The following C2CD5 variants were observed in gnomAD, a reference collection of about 807,000 sequenced individuals.
C2CD5 encodes C2 domain-containing protein 5.
C2CD5 carries 109 observed loss-of-function variants against 130.3 expected under a neutral mutation model. The ratio of observed to expected loss-of-function variants is 0.84; its 90% confidence interval spans 0.72 to 0.98. The LOEUF (loss-of-function observed/expected upper bound fraction) is 0.98. Among genes scored for constraint, C2CD5 ranks in the 50% least tolerant of loss-of-function variants. C2CD5 has a pLI of 0.00. For synonymous variants in C2CD5, 454 were observed against 429.2 expected, an observed-to-expected ratio of 1.06 and a Z score of -0.71; for missense variants, 996 against 1,261.8, an observed-to-expected ratio of 0.79 and a Z score of 3.19.
Position 22,470,847 on chromosome 12 carries a change from G to A in C2CD5, c.2423C>T (p.Pro808Leu), listed in dbSNP as rs1456320806. 1 of 1,610,756 alleles carries A rather than the reference G, an allele frequency of 6.2e-7. No individual in the cohort carries two copies. The highest frequency in any genetic ancestry group is 8.5e-7 in the Non-Finnish European group (1 of 1,177,402). ...KNQALQTTKT[P>L]VEKSLQRAST... ...ACCTCTTTGCAATGACTTTTCAACA[G>A]GGGTTTTTGTGGTTTGTAAAGCCTG... is the stretch of plus-strand genomic sequence containing the variant. The change falls in exon 21 of 27, where the codon CCT (proline) becomes CTT (leucine). Residue 808 changes from proline to leucine, a missense_variant. Pro to Leu is a moderately conservative substitution (Grantham distance 98). Transcript: ENST00000446597.
chr12:22,470,185 C>T (rs1040236172), intron 21 of C2CD5, among the ~76,000 whole-genome samples: 4 of 152,108 alleles, frequency 2.6e-5, no homozygotes, highest in Admixed American at 1.3e-4. Context: ...ATCTACCTGA[C>T]ATTAACTCAC....
intron 16 of C2CD5, among the ~76,000 whole-genome samples, chr12:22,473,277 C>A (rs1388666896): frequency 1.3e-5 from 2 of 152,116 alleles, no homozygotes; most frequent in Non-Finnish European, 2.9e-5. Flanking sequence ...CCATATTCCA[C>A]TGTGAATAAT....
intron 5 of C2CD5, among the ~76,000 whole-genome samples, chr12:22,525,342 G>A (rs564364000): frequency 8.5e-5 from 13 of 152,228 alleles, no homozygotes; most frequent in East Asian, 1.9e-4. Flanking sequence ...CTTAGCCGTA[G>A]TGTTCTGCTC....
chr12:22,461,782 C>A (rs552303183), intron 22 of C2CD5, among the ~76,000 whole-genome samples: 1 of 152,146 alleles, frequency 6.6e-6, no homozygotes, highest in Non-Finnish European at 1.5e-5. Context: ...ATTCCCTGCC[C>A]TCAAATACGA....
At chr12:22,481,069 T>C (rs948341620) in intron 14 of C2CD5, among the ~76,000 whole-genome samples, 4 of 152,152 alleles carry the variant, frequency 2.6e-5, no homozygotes, top group African/African-American at 9.7e-5. Context: ...CCTCTCAAAG[T>C]GCTGGGATTA....
intron 9 of C2CD5, 198 bp from the exon 10 acceptor site, chr12:22,507,017 T>G (rs1037375426): frequency 2.3e-6 from 1 of 442,130 alleles, no homozygotes; most frequent in Non-Finnish European, 4.1e-6. Flanking sequence ...ATATACAATG[T>G]TATACAGAAT....
chr12:22,523,698 G>GT (rs1377512279), intron 6 of C2CD5, 74 bp from the exon 7 acceptor site: 3 of 908,202 alleles, frequency 3.3e-6, no homozygotes, highest in African/African-American at 3.5e-5. Flanking sequence ...CATGGTAGTG[G>GT]TAAAAAAAAA....
At chr12:22,455,865 A>G (rs1939745796) in intron 25 of C2CD5, among the ~76,000 whole-genome samples, 1 of 152,106 alleles carries the variant, frequency 6.6e-6, no homozygotes. Context: ...TTGTATTTAT[A>G]GTAGAGAAGG....
intron 10 of C2CD5, chr12:22,502,886 C>T (rs1375636400): frequency 4.4e-5 from 33 of 746,488 alleles, no homozygotes; most frequent in Middle Eastern, 2.3e-4. Flanking sequence ...CAAACAAGAA[C>T]GCAATTGACA....
chr12:22,482,807 T>A, intron 13 of C2CD5, 64 bp from the exon 14 acceptor site: 1 of 1,149,816 alleles, frequency 8.7e-7, no homozygotes, highest in Non-Finnish European at 1.3e-6. Flanking sequence ...GTCCAAATTT[T>A]AAAACTTGCT....
At chr12:22,499,389 C>T (rs1401067808) in intron 10 of C2CD5, among the ~76,000 whole-genome samples, 1 of 152,220 alleles carries the variant, frequency 6.6e-6, no homozygotes, top group East Asian at 1.9e-4. Context: ...CACTTTCTAA[C>T]TATTCACCTT....
chr12:22,477,974 A>G (rs1467638294), intron 15 of C2CD5: 1 of 223,508 alleles, frequency 4.5e-6, no homozygotes, highest in Non-Finnish European at 9.0e-6. Context: ...TCATTCTACC[A>G]GTACTAACAG....
chr12:22,514,666 T>C (rs1226830991), intron 8 of C2CD5, among the ~76,000 whole-genome samples: 1 of 152,042 alleles, frequency 6.6e-6, no homozygotes, highest in African/African-American at 2.4e-5. Flanking sequence ...GGAGTTGGTA[T>C]GAAGGGAAAG....
chr12:22,501,626 T>C (rs1381483612), intron 10 of C2CD5, among the ~76,000 whole-genome samples: 1 of 152,160 alleles, frequency 6.6e-6, no homozygotes, highest in Admixed American at 6.5e-5. Flanking sequence ...TTCTAATCAA[T>C]GACAGCAGGC....
At chr12:22,495,797 G>C (rs908492520) in intron 10 of C2CD5, among the ~76,000 whole-genome samples, 1 of 152,038 alleles carries the variant, frequency 6.6e-6, no homozygotes, top group African/African-American at 2.4e-5. Flanking sequence ...TTTGGTTTTT[G>C]GCTAAAGCAA....
chr12:22,532,614 A>G (rs1321288528), intron 3 of C2CD5, among the ~76,000 whole-genome samples: 1 of 152,228 alleles, frequency 6.6e-6, no homozygotes, highest in African/African-American at 2.4e-5. Flanking sequence ...TTCCAACACT[A>G]AAAGAAAGAT....
At position 22,493,171 on chromosome 12, in the gene C2CD5, A is replaced by G. The variant is rs377665660; in HGVS notation, c.1262+52T>C. On this transcript the variant is annotated intron_variant, in intron 11 of 26. Coordinates refer to ENST00000446597, the MANE Select transcript of C2CD5 (RefSeq NM_001286176.2). ...ATTTGCATGAAGCTTTTCCCCTTTC[A>G]GATGGCAGTCTAAATTAGTGTCTGG... is the stretch of plus-strand genomic sequence containing the variant. The G allele has an allele frequency of 3.3e-5, 33 of 1,001,820 alleles. No homozygotes were observed. The African/African-American group carries it at 4.8e-4, about 15-fold the overall frequency. The allele number at this position is 1,001,820 out of a possible 1,614,324, so 62.1% of individuals were successfully genotyped here. A position where few individuals can be genotyped will look rare whatever the true frequency, so the allele number is the denominator to read the frequency against.
rs760064122 is a variant in C2CD5, at chr12:22,472,305, T to C, written c.2150A>G (p.Asn717Ser). Residue 717 changes from asparagine (N) to serine (S), a missense_variant, in exon 18 of 27, where the codon AAT (asparagine) becomes AGT (serine). Physicochemically the swap from Asn to Ser is conservative, Grantham distance 46 (BLOSUM62 1). Around this residue, in one of 9 missense-constraint regions of C2CD5, gnomAD observed 590 missense variants for 631.4 expected, o/e 0.93. Coordinates refer to ENST00000446597, the MANE Select transcript of C2CD5 (RefSeq NM_001286176.2). ...GTTTACCTGTATTTCAGAGGTCCAATTATTTATACCGGGCATAATTTCTGT... is the reference window on the plus strand; with the variant it reads ...GTTTACCTGTATTTCAGAGGTCCAACTATTTATACCGGGCATAATTTCTGT... ...CNTEIMPGIN[N>S]WTSEIQMFTS... is the part of the protein sequence containing the mutation. The C allele has an allele frequency of 6.6e-7, 1 of 1,517,616 alleles. No homozygotes were observed. The highest frequency in any genetic ancestry group is 9.0e-7 in the Non-Finnish European group (1 of 1,107,370). 94.0% of individuals were successfully genotyped at this position (1,517,616 alleles called of 1,614,324 possible).
rs918605281 is a variant in C2CD5, at chr12:22,530,076, CTATATA to C, written c.178-2190_178-2185del. Among the ~76,000 whole-genome samples the C allele has an allele frequency of 4.4e-3, 339 of 77,284 alleles. 2 individuals are homozygous for C. Among genetic ancestry groups the C allele is most frequent in the African/African-American group, 7.7e-3 (165 of 21,528 alleles). 50.7% of individuals were successfully genotyped at this position (77,284 alleles called of 152,430 possible). ...TTTGCTTAAGACATGTATTTGAGTG[CTATATA>C]TATATATATATATATATATATATAT... On this transcript the variant is annotated intron_variant, in intron 3 of 26. Transcript: ENST00000446597.
Sources: allele counts gnomAD v4.1 joint callset (sites outside exome capture counted in the v4.1 genomes callset), GRCh38; gene constraint gnomAD v4.1.1; regional missense constraint gnomAD v4.1.1; transcripts MANE v1.5; gene names NCBI Gene and HGNC (gene_info 2026-07-23, HGNC 2026-07-21).